YPEL2: variants seen among roughly 807,000 people sequenced by gnomAD.
YPEL2 encodes protein yippee-like 2.
YPEL2 carries 2 observed loss-of-function variants against 19.1 expected under a neutral mutation model. The observed-to-expected ratio is 0.10, with a 90% CI of 0.04 to 0.33. YPEL2 has a LOEUF of 0.33. YPEL2 is among the 10% of genes least tolerant of loss of function. YPEL2 has a pLI of 1.00. For missense variants in YPEL2, 66 were observed against 140.7 expected, an observed-to-expected ratio of 0.47 and a Z score of 2.68; for synonymous variants, 52 against 50.0, an observed-to-expected ratio of 1.04 and a Z score of -0.17.
chr17:59,388,476 A>C, intron 3 of YPEL2, 106 bp downstream of exon 3: 1 of 1,159,138 alleles, frequency 8.6e-7, no homozygotes, highest in Non-Finnish European at 1.3e-6. Context: ...TGTCTGCCAC[A>C]GTAAAACTCT....
At chr17:59,369,270 T>C (rs1445999576) in intron 2 of YPEL2, among the ~76,000 whole-genome samples, 1 of 152,270 alleles carries the variant, frequency 6.6e-6, no homozygotes, top group Non-Finnish European at 1.5e-5. Flanking sequence ...AATAAGTAGC[T>C]TCTGCAGTCT....
chr17:59,345,541 T>C (rs747538540), intron 1 of YPEL2, among the ~76,000 whole-genome samples: 18 of 152,152 alleles, frequency 1.2e-4, no homozygotes, highest in Non-Finnish European at 2.5e-4. Flanking sequence ...AGATAACTTT[T>C]TCAATACAGT....
At chr17:59,360,202 G>A (rs1003343208) in intron 2 of YPEL2, among the ~76,000 whole-genome samples, 1 of 152,118 alleles carries the variant, frequency 6.6e-6, no homozygotes, top group Non-Finnish European at 1.5e-5. Flanking sequence ...TCAGCCTCCC[G>A]AGTAGCTGGG....
chr17:59,382,500 C>T (rs2047954686), intron 2 of YPEL2, among the ~76,000 whole-genome samples: 1 of 152,200 alleles, frequency 6.6e-6, no homozygotes, highest in African/African-American at 2.4e-5. Flanking sequence ...AAATGACATA[C>T]CCCTATCAGT....
chr17:59,371,194 C>T (rs958070577), intron 2 of YPEL2, among the ~76,000 whole-genome samples: 4 of 152,192 alleles, frequency 2.6e-5, no homozygotes, highest in Admixed American at 6.5e-5. Context: ...GGTGCCCTTT[C>T]GGCTTAGCTT....
At chr17:59,396,812 C>T (rs2048041608) in intron 4 of YPEL2, among the ~76,000 whole-genome samples, 1 of 152,156 alleles carries the variant, frequency 6.6e-6, no homozygotes, top group Non-Finnish European at 1.5e-5. Context: ...GAGTGGATCA[C>T]CTGAGCTCCG....
chr17:59,333,000 A>AAT (rs2047679701), intron 1 of YPEL2, among the ~76,000 whole-genome samples: 1 of 152,194 alleles, frequency 6.6e-6, no homozygotes, highest in African/African-American at 2.4e-5. Context: ...GGTAGCGGTC[A>AAT]GCTTCCCTGT....
At chr17:59,391,292 T>G (rs1047873442) in intron 4 of YPEL2, among the ~76,000 whole-genome samples, 6 of 152,206 alleles carry the variant, frequency 3.9e-5, no homozygotes, top group African/African-American at 1.4e-4. Context: ...ACAAATGTTC[T>G]AATCTGGTGT....
intron 1 of YPEL2, among the ~76,000 whole-genome samples, chr17:59,343,065 G>C (rs981706622): frequency 1.3e-5 from 2 of 152,136 alleles, no homozygotes; most frequent in African/African-American, 4.8e-5. Flanking sequence ...GGCTCATCTG[G>C]GTAATTTCAT....
At chr17:59,341,461 A>C (rs895693253) in intron 1 of YPEL2, among the ~76,000 whole-genome samples, 2 of 151,470 alleles carry the variant, frequency 1.3e-5, no homozygotes, top group Admixed American at 6.6e-5. Context: ...GGAGTTCCAG[A>C]CCAGTCTGGA....
At chr17:59,373,872 G>A (rs11079375) in intron 2 of YPEL2, among the ~76,000 whole-genome samples, 79,454 of 152,096 alleles carry the variant, frequency 0.52, 21,280 homozygotes, top group African/African-American at 0.61. Flanking sequence ...ATGTTTCTAT[G>A]TCTAAGGATG....
intron 1 of YPEL2, among the ~76,000 whole-genome samples, chr17:59,344,045 C>T (rs9893271): frequency 1.9e-3 from 286 of 152,162 alleles, no homozygotes; most frequent in Middle Eastern, 6.8e-3. Flanking sequence ...CCTGCTTGGG[C>T]AACTGGAAGC....
chr17:59,394,165 G>A (rs948826705), intron 4 of YPEL2, among the ~76,000 whole-genome samples: 5 of 151,334 alleles, frequency 3.3e-5, no homozygotes, highest in East Asian at 3.9e-4. Context: ...CCTCCCTCCC[G>A]GACGGGGCGG....
intron 2 of YPEL2, among the ~76,000 whole-genome samples, chr17:59,365,254 C>T (rs1008695597): frequency 6.6e-6 from 1 of 152,180 alleles, no homozygotes; most frequent in Non-Finnish European, 1.5e-5. Flanking sequence ...GAGGCCTCTC[C>T]TCATGGAATC....
At chr17:59,395,243 T>C (rs1161372581) in intron 4 of YPEL2, among the ~76,000 whole-genome samples, 2 of 150,968 alleles carry the variant, frequency 1.3e-5, no homozygotes, top group Non-Finnish European at 2.9e-5. Flanking sequence ...AGAGACGGAA[T>C]AATGAAGTGT....
chr17:59,370,435 A>G (rs902754744), intron 2 of YPEL2, among the ~76,000 whole-genome samples: 1 of 152,142 alleles, frequency 6.6e-6, no homozygotes, highest in Admixed American at 6.6e-5. Context: ...TAGCAGCAAA[A>G]CGGTCTGTCA....
intron 4 of YPEL2, among the ~76,000 whole-genome samples, chr17:59,396,750 G>A (rs568316769): frequency 1.2e-3 from 179 of 152,286 alleles, no homozygotes; most frequent in African/African-American, 3.9e-3. Context: ...TTCCTTGGCC[G>A]GGTATGGTGG....
Position 59,397,304 on chromosome 17 carries a change from T to C in YPEL2, c.*114T>C. ...TTCCATCCATTTAGGGGCCTTGCCA[T>C]CCGGGGCATCCTCCCACCCTGACGC... On this transcript the variant is annotated 3_prime_UTR_variant, in exon 5 of 5. Transcript: ENST00000312655. The C allele has an allele frequency of 1.4e-6, 1 of 695,652 alleles. No individual in the cohort carries two copies. Among genetic ancestry groups the C allele is most frequent in the Non-Finnish European group, 2.2e-6 (1 of 446,596 alleles). 43.1% of individuals were successfully genotyped at this position (695,652 alleles called of 1,614,324 possible).
Position 59,398,110 on chromosome 17 carries a change from A to C in YPEL2, c.*920A>C, listed in dbSNP as rs1223437247. 1 of 152,278 alleles carries C rather than the reference A, an allele frequency of 6.6e-6. No individual in the cohort carries two copies. Among genetic ancestry groups the C allele is most frequent in the Non-Finnish European group, 1.5e-5 (1 of 68,078 alleles). 9.4% of individuals were successfully genotyped at this position (152,278 alleles called of 1,614,324 possible). ...TCCTGAAGAAATGGCTCAGATATTG[A>C]GTCAGAGAAATAAAAAGTAGGATCA... is the stretch of plus-strand genomic sequence containing the variant. On this transcript the variant is annotated 3_prime_UTR_variant, in exon 5 of 5. Coordinates refer to ENST00000312655, the MANE Select transcript of YPEL2 (RefSeq NM_001005404.4).
Sources: allele counts gnomAD v4.1 joint callset (sites outside exome capture counted in the v4.1 genomes callset), GRCh38; gene constraint gnomAD v4.1.1; transcripts MANE v1.5; gene names NCBI Gene and HGNC (gene_info 2026-07-23, HGNC 2026-07-21).